Variants in PRUNE2 observed in about 807,000 individuals in gnomAD.
The protein encoded by PRUNE2 is protein prune homolog 2.
PRUNE2 carries 164 observed loss-of-function variants against 252.0 expected under a neutral mutation model. The ratio of observed to expected loss-of-function variants is 0.65; its 90% confidence interval spans 0.57 to 0.74. The LOEUF is 0.74. Ranked by LOEUF, PRUNE2 falls within the 30% of genes least tolerant of loss-of-function variation. PRUNE2 has a pLI of 0.00. For missense variants in PRUNE2, 3,495 were observed against 3,711.0 expected (o/e 0.94, Z 1.51); for synonymous variants, 1,292 against 1,350.2 (o/e 0.96, Z 0.94).
chr9:76,677,292 T>A (rs569126788), intron 9 of PRUNE2, among the ~76,000 whole-genome samples: 1 of 152,238 alleles, frequency 6.6e-6, no homozygotes, highest in African/African-American at 2.4e-5. Flanking sequence ...TTAAAAAAAA[T>A]TCATTATTTT....
chr9:76,647,788 C>G (rs866858484), intron 11 of PRUNE2, among the ~76,000 whole-genome samples: 15 of 152,060 alleles, frequency 9.9e-5, no homozygotes, highest in African/African-American at 3.1e-4. Flanking sequence ...ATGGTGAAAC[C>G]CTGTTTCTAC....
intron 18 of PRUNE2, among the ~76,000 whole-genome samples, chr9:76,616,463 G>A (rs374369681): frequency 1.5e-4 from 23 of 152,276 alleles, no homozygotes; most frequent in African/African-American, 3.1e-4. Flanking sequence ...TAAAAACTGC[G>A]AGAGTGGGTC....
At chr9:76,746,733 A>AAAC (rs1564202954) in intron 6 of PRUNE2, among the ~76,000 whole-genome samples, 2 of 150,104 alleles carry the variant, frequency 1.3e-5, no homozygotes, top group African/African-American at 4.9e-5. Context: ...AAAAAAAAAA[A>AAAC]AAAAAAAACC....
intron 1 of PRUNE2, among the ~76,000 whole-genome samples, chr9:76,898,810 T>C (rs1217457061): frequency 6.6e-6 from 1 of 152,190 alleles, no homozygotes; most frequent in African/African-American, 2.4e-5. Context: ...GCAATTTTCC[T>C]AGACATCATC....
intron 6 of PRUNE2, among the ~76,000 whole-genome samples, chr9:76,794,641 GA>G (rs1267789173): frequency 1.1e-4 from 16 of 148,426 alleles, no homozygotes; most frequent in Admixed American, 1.1e-3. Context: ...GAAAAGAAAA[GA>G]AAGAAAGAAA....
chr9:76,678,046 A>T (rs2042914560), intron 9 of PRUNE2, among the ~76,000 whole-genome samples: 1 of 151,896 alleles, frequency 6.6e-6, no homozygotes, highest in South Asian at 2.1e-4. Context: ...CTCTATGCCA[A>T]TTAAGTTTGT....
chr9:76,736,159 T>C (rs1179773375), intron 6 of PRUNE2, among the ~76,000 whole-genome samples: 2 of 152,064 alleles, frequency 1.3e-5, no homozygotes, highest in African/African-American at 2.4e-5. Context: ...TGTGTGTGTG[T>C]GTATTCAAAA....
chr9:76,885,999 G>A (rs532636646), intron 1 of PRUNE2, among the ~76,000 whole-genome samples: 115 of 150,728 alleles, frequency 7.6e-4, no homozygotes, highest in Non-Finnish European at 1.4e-3. Context: ...CCAACATGGC[G>A]AAACCCCGTC....
intron 6 of PRUNE2, chr9:76,784,642 C>T (rs1402332387): frequency 6.6e-6 from 1 of 152,208 alleles, no homozygotes; most frequent in East Asian, 1.9e-4. Context: ...TAACATTACT[C>T]ATTTTGTTCA....
intron 4 of PRUNE2, among the ~76,000 whole-genome samples, chr9:76,838,645 C>CAA (rs10540002): frequency 1.6e-3 from 135 of 84,544 alleles, no homozygotes; most frequent in East Asian, 3.0e-3. Context: ...AACTCTGTCT[C>CAA]AAAAAAAAAA....
intron 1 of PRUNE2, among the ~76,000 whole-genome samples, chr9:76,885,998 C>G (rs371314278): frequency 5.3e-5 from 8 of 150,492 alleles, no homozygotes; most frequent in African/African-American, 1.7e-4. Context: ...GCCAACATGG[C>G]GAAACCCCGT....
At chr9:76,728,932 A>G (rs2048340558) in intron 6 of PRUNE2, among the ~76,000 whole-genome samples, 1 of 152,252 alleles carries the variant, frequency 6.6e-6, no homozygotes, top group Non-Finnish European at 1.5e-5. Context: ...GCAGCAGCCA[A>G]GACCCAACAG....
intron 1 of PRUNE2, among the ~76,000 whole-genome samples, chr9:76,859,758 G>C (rs2060451258): frequency 6.6e-6 from 1 of 152,072 alleles, no homozygotes; most frequent in Non-Finnish European, 1.5e-5. Context: ...GCCTAGGCTG[G>C]AGTGCAATGG....
chr9:76,693,213 A>G (rs1468656090), intron 9 of PRUNE2, among the ~76,000 whole-genome samples: 1 of 152,198 alleles, frequency 6.6e-6, no homozygotes. Context: ...CAGATAAACC[A>G]AAGACTTCTA....
intron 1 of PRUNE2, among the ~76,000 whole-genome samples, chr9:76,858,626 A>G (rs528283063): frequency 8.0e-4 from 122 of 152,238 alleles, no homozygotes; most frequent in Middle Eastern, 3.4e-3. Flanking sequence ...AAAGCAAGGG[A>G]AGGGATAGCA....
At position 76,619,275 on chromosome 9, in the gene PRUNE2, T is replaced by C. The variant is rs546903574; in HGVS notation, c.9236+65A>G. 56 of 1,112,444 alleles carry C rather than the reference T, an allele frequency of 5.0e-5. No homozygotes were observed. The South Asian group carries it at 7.0e-4, about 14-fold the overall frequency. The allele number at this position is 1,112,444 out of a possible 1,614,324, so 68.9% of individuals were successfully genotyped here. ...TTTACCCAGTCCTCAGTGTGTTTTCTTTCAGAGCCCAGCCATACAACACTA... is the reference window on the plus strand; with the variant it reads ...TTTACCCAGTCCTCAGTGTGTTTTCCTTCAGAGCCCAGCCATACAACACTA... On this transcript the variant is annotated intron_variant, in intron 18 of 18. Coordinates refer to ENST00000376718, the MANE Select transcript of PRUNE2 (RefSeq NM_015225.3).
At chr9:76,702,063 C>CTT (rs533432061) in intron 9 of PRUNE2, among the ~76,000 whole-genome samples, 2,677 of 142,010 alleles carry the variant, frequency 0.019, 90 homozygotes, top group African/African-American at 0.064. Flanking sequence ...TCTTTTCTCG[C>CTT]TTTTTTTTTT....
chr9:76,709,714 T>C lies in PRUNE2; in HGVS notation c.2560A>G (p.Ser854Gly), dbSNP rs769334443. The C allele has an allele frequency of 2.5e-6, 4 of 1,614,030 alleles. No individual in the cohort carries two copies. In the South Asian group the frequency reaches 4.4e-5, roughly 18 times the overall value. Residue 854 changes from serine (S) to glycine (G), a missense_variant, in exon 8 of 19, where the codon AGT becomes GGT. Physicochemically the swap from Ser to Gly is moderately conservative, Grantham distance 56. Transcript: ENST00000376718. The part of the protein sequence containing the change: ...SSSELLDNSP[S>G]EINNEAAPEI... ...GGAGCTGCTTCATTGTTTATCTCAC[T>C]GGGTGAATTGTCCAGTAGTTCTGAA...
chr9:76,743,288 G>A (rs548911178), intron 6 of PRUNE2, among the ~76,000 whole-genome samples: 10 of 152,176 alleles, frequency 6.6e-5, no homozygotes, highest in African/African-American at 2.4e-4. Context: ...ACAAAATTTT[G>A]GAAAATAATC....
Sources: allele counts gnomAD v4.1 joint callset (sites outside exome capture counted in the v4.1 genomes callset), GRCh38; gene constraint gnomAD v4.1.1; transcripts MANE v1.5; gene names NCBI Gene and HGNC (gene_info 2026-07-23, HGNC 2026-07-21).